The following DSCAML1 variants were observed in gnomAD, a reference collection of about 807,000 sequenced individuals.
DSCAML1 encodes the protein DS cell adhesion molecule like 1, also known as cell adhesion molecule DSCAML1.
A neutral mutation model predicts 200.5 loss-of-function variants in DSCAML1; 38 were observed. That is an observed-to-expected ratio of 0.19 (90% CI 0.15 to 0.25). The LOEUF is 0.25. Among genes scored for constraint, DSCAML1 ranks in the 10% least tolerant of loss-of-function variants. The probability of loss-of-function intolerance (pLI) is 1.00; values close to 1 mark genes in which losing one functional copy is unlikely to be tolerated. For missense variants in DSCAML1, 2,223 were observed against 2,858.8 expected (o/e 0.78, Z 5.07); for synonymous variants, 1,215 against 1,165.0 (o/e 1.04, Z -0.87).
chr11:117,683,391 G>A lies in DSCAML1; in HGVS notation c.511+93400C>T, dbSNP rs183154992. Among the ~76,000 whole-genome samples, 570 of 152,350 alleles carry A rather than the reference G, an allele frequency of 3.7e-3. 3 individuals are homozygous for A. Among genetic ancestry groups the A allele is most frequent in the African/African-American group, 0.013 (539 of 41,580 alleles). ...AGGCTAAGAGCACAAGACCTACTGC[G>A]TGTAAAGTGATCTGCTAGTCTCTCT... On this transcript the variant is annotated intron_variant, in intron 3 of 32. Transcript: ENST00000651296.
chr11:117,764,581 C>T (rs568358247), intron 3 of DSCAML1, among the ~76,000 whole-genome samples: 2 of 152,254 alleles, frequency 1.3e-5, no homozygotes, highest in Admixed American at 6.5e-5. Context: ...GTTGCTTATG[C>T]CAACCTAGGC....
chr11:117,547,290 A>G (rs2050389202), intron 3 of DSCAML1, among the ~76,000 whole-genome samples: 2 of 152,178 alleles, frequency 1.3e-5, no homozygotes, highest in African/African-American at 4.8e-5. Context: ...TGCTCACGGT[A>G]TAATAGAAAT....
intron 32 of DSCAML1, 152 bp from the exon 33 acceptor site, chr11:117,428,955 C>T (rs1466996568): frequency 2.2e-5 from 15 of 672,458 alleles, no homozygotes; most frequent in South Asian, 3.8e-5. Flanking sequence ...GCGGAAAGGT[C>T]GGGTACTTGG....
chr11:117,624,329 T>G (rs1330714542), intron 3 of DSCAML1, among the ~76,000 whole-genome samples: 1 of 152,142 alleles, frequency 6.6e-6, no homozygotes, highest in Non-Finnish European at 1.5e-5. Context: ...TAAGAATGAC[T>G]GGAGTCATTC....
In DSCAML1 at chr11:117,458,749, C is replaced by T; in HGVS notation, c.3568+5G>A. On this transcript the variant is annotated splice_donor_5th_base_variant and intron_variant, in intron 19 of 32. Coordinates refer to ENST00000651296, the MANE Select transcript of DSCAML1 (RefSeq NM_020693.4). ...AGCCTGTCCCAAGGAGAGGCCTGGA[C>T]TCACCGTCCTCCTTGGTCTGGATGT... 1 of 1,612,072 alleles carries T rather than the reference C, an allele frequency of 6.2e-7. No individual in the cohort carries two copies. Among genetic ancestry groups the T allele is most frequent in the Non-Finnish European group, 8.5e-7 (1 of 1,179,906 alleles).
At chr11:117,552,767 G>T (rs1389554731) in intron 3 of DSCAML1, among the ~76,000 whole-genome samples, 1 of 152,172 alleles carries the variant, frequency 6.6e-6, no homozygotes, top group Non-Finnish European at 1.5e-5. Context: ...GAAGTGGCGG[G>T]CCAGGGCTTG....
At chr11:117,544,023 G>A (rs2050322547) in intron 3 of DSCAML1, among the ~76,000 whole-genome samples, 1 of 152,132 alleles carries the variant, frequency 6.6e-6, no homozygotes, top group South Asian at 2.1e-4. Context: ...AGTAGGCAAT[G>A]GGGGATATGG....
intron 1 of DSCAML1, among the ~76,000 whole-genome samples, chr11:117,815,528 T>A (rs1354217318): frequency 6.6e-6 from 1 of 152,136 alleles, no homozygotes; most frequent in Non-Finnish European, 1.5e-5. Context: ...GGGGAATTCC[T>A]CTCAGTGACA....
At chr11:117,470,674 A>G (rs1338653313) in intron 15 of DSCAML1, among the ~76,000 whole-genome samples, 1 of 152,244 alleles carries the variant, frequency 6.6e-6, no homozygotes, top group African/African-American at 2.4e-5. Context: ...GTACACTAGC[A>G]TACAGGAATG....
At chr11:117,695,997 T>C (rs551768621) in intron 3 of DSCAML1, among the ~76,000 whole-genome samples, 69 of 152,222 alleles carry the variant, frequency 4.5e-4, no homozygotes, top group Non-Finnish European at 7.5e-4. Context: ...AAAAGGGCCA[T>C]TGGAGAAGTG....
rs2137579541 is a variant in DSCAML1 at position 117,634,728 on chromosome 11, C to T, written c.512-102206G>A. On this transcript the variant is annotated intron_variant, in intron 3 of 32. Coordinates refer to ENST00000651296, the MANE Select transcript of DSCAML1 (RefSeq NM_020693.4). ...CCTTCAGCGGTGCCAACACAACTGT[C>T]CCTCTAGGTCCCCAGCTGCAAGGTG... 2.0e-5 allele frequency among the ~76,000 whole-genome samples: 3 copies of T among 152,332 alleles called. No individual in the cohort carries two copies. In the South Asian group the frequency reaches 6.2e-4, roughly 32 times the overall value.
rs979928990 is a variant in DSCAML1 at position 117,780,286 on chromosome 11, A to C, written c.364+207T>G. Among the ~76,000 whole-genome samples the C allele has an allele frequency of 5.2e-5, 5 of 96,762 alleles. No homozygotes were observed. The highest frequency in any genetic ancestry group is 2.7e-4 in the East Asian group (1 of 3,666). The allele number at this position is 96,762 out of a possible 152,430, so 63.5% of individuals were successfully genotyped here. A position where few individuals can be genotyped will look rare whatever the true frequency, so the allele number is the denominator to read the frequency against. On this transcript the variant is annotated intron_variant, in intron 2 of 32. Transcript: ENST00000651296. The surrounding 1 kb of genome is among the most constrained non-coding windows in gnomAD (Gnocchi z 4.8). Reference sequence around the variant, plus strand: ...AAAGAAAGAAAGAAAGAAAGAAAGAAAGAAAGAAAGAAAGAAAGAGAGAAA... The same window carrying C: ...AAAGAAAGAAAGAAAGAAAGAAAGACAGAAAGAAAGAAAGAAAGAGAGAAA...
At chr11:117,759,606 G>C (rs2054762831) in intron 3 of DSCAML1, among the ~76,000 whole-genome samples, 3 of 152,020 alleles carry the variant, frequency 2.0e-5, no homozygotes, top group African/African-American at 7.2e-5. Flanking sequence ...CGGGCCTCTT[G>C]AGGCCACCCA....
intron 3 of DSCAML1, among the ~76,000 whole-genome samples, chr11:117,632,922 C>T (rs2052203686): frequency 6.6e-6 from 1 of 152,146 alleles, no homozygotes; most frequent in Admixed American, 6.5e-5. Context: ...CCAGGAGTTA[C>T]CTTAAGCCTA....
chr11:117,521,390 G>T lies in DSCAML1; in HGVS notation c.953C>A (p.Thr318Asn), dbSNP rs2049884481. Residue 318 changes from threonine to asparagine, a missense_variant, in exon 6 of 33, where the codon ACC (threonine) becomes AAC (asparagine). By Grantham distance (65) the Thr-to-Asn change is moderately conservative (BLOSUM62 0). Coordinates refer to ENST00000651296, the MANE Select transcript of DSCAML1 (RefSeq NM_020693.4). ...ILMVIDPLHV[T>N]LTPKKLKTGI... ...GGTCTTCAGCTTCTTTGGTGTCAGG[G>T]TCACATGAAGGGGATCTGGGCCGGG... The T allele has an allele frequency of 6.2e-7, 1 of 1,613,462 alleles. No homozygotes were observed.
At chr11:117,580,036 G>A (rs1211806672) in intron 3 of DSCAML1, among the ~76,000 whole-genome samples, 4 of 152,212 alleles carry the variant, frequency 2.6e-5, no homozygotes, top group African/African-American at 9.6e-5. Context: ...CACAAAGACA[G>A]GGATTATGCC....
At chr11:117,672,329 C>A (rs778643823) in intron 3 of DSCAML1, among the ~76,000 whole-genome samples, 12 of 152,206 alleles carry the variant, frequency 7.9e-5, no homozygotes, top group African/African-American at 1.7e-4. Context: ...TATTTGACAT[C>A]ATCGGTGCTT....
At chr11:117,534,050 C>T (rs1380863650) in intron 3 of DSCAML1, among the ~76,000 whole-genome samples, 2 of 152,198 alleles carry the variant, frequency 1.3e-5, no homozygotes, top group Non-Finnish European at 1.5e-5. Flanking sequence ...CCCGATAGCA[C>T]CACATGTCAG....
intron 3 of DSCAML1, among the ~76,000 whole-genome samples, chr11:117,595,770 G>A (rs559116063): frequency 4.0e-5 from 6 of 151,740 alleles, no homozygotes; most frequent in African/African-American, 1.2e-4. Context: ...TGAGCTCCAT[G>A]TATGGCTAAA....
Sources: allele counts gnomAD v4.1 joint callset (sites outside exome capture counted in the v4.1 genomes callset), GRCh38; gene constraint gnomAD v4.1.1; non-coding constraint Gnocchi (gnomAD v3.1); transcripts MANE v1.5; gene names NCBI Gene and HGNC (gene_info 2026-07-23, HGNC 2026-07-21).